RIMS1: variants seen among roughly 807,000 people sequenced by gnomAD.
The protein encoded by RIMS1 is regulating synaptic membrane exocytosis 1.
In RIMS1, 83 loss-of-function variants were observed where a neutral mutation model predicts 214.1. The observed-to-expected ratio is 0.39, with a 90% CI of 0.32 to 0.47. The LOEUF is 0.47. RIMS1 is among the 20% of genes least tolerant of loss of function. RIMS1 has a pLI of 0.99. For synonymous variants in RIMS1, 793 were observed against 786.8 expected, an observed-to-expected ratio of 1.01 and a Z score of -0.13; for missense variants, 2,050 against 2,161.8, an observed-to-expected ratio of 0.95 and a Z score of 1.03.
At chr6:72,318,575 A>T (rs1189285779) in intron 28 of RIMS1, among the ~76,000 whole-genome samples, 1 of 152,074 alleles carries the variant, frequency 6.6e-6, no homozygotes, top group Non-Finnish European at 1.5e-5. Flanking sequence ...AATGCCTTAT[A>T]TTAAACCATA....
At chr6:72,212,424 T>C (rs978946489) in intron 6 of RIMS1, among the ~76,000 whole-genome samples, 3 of 152,036 alleles carry the variant, frequency 2.0e-5, no homozygotes, top group Admixed American at 2.0e-4. Flanking sequence ...AAGAGGTAAG[T>C]ACTATTTAAA....
chr6:72,164,888 T>A (rs2046038162), intron 4 of RIMS1, among the ~76,000 whole-genome samples: 1 of 152,130 alleles, frequency 6.6e-6, no homozygotes, highest in Non-Finnish European at 1.5e-5. Context: ...ATCATTGAGG[T>A]TTCACACTTA....
At chr6:72,318,727 T>C (rs1384584163) in intron 28 of RIMS1, among the ~76,000 whole-genome samples, 1 of 152,162 alleles carries the variant, frequency 6.6e-6, no homozygotes, top group Non-Finnish European at 1.5e-5. Flanking sequence ...TTTTTCCTTG[T>C]TGTTCTTTAA....
At chr6:72,390,822 G>A (rs1169145215) in intron 30 of RIMS1, 86 bp downstream of exon 30, 4 of 1,464,744 alleles carry the variant, frequency 2.7e-6, no homozygotes, top group East Asian at 4.6e-5. Context: ...GAGTGTTACT[G>A]TGCAGCTTCT....
chr6:72,311,235 A>G (rs1460557078), intron 27 of RIMS1, among the ~76,000 whole-genome samples: 3 of 152,182 alleles, frequency 2.0e-5, no homozygotes, highest in African/African-American at 2.4e-5. Context: ...ATTACATAGC[A>G]TCTCTCTTTT....
chr6:72,041,749 G>A (rs981484462), intron 2 of RIMS1, among the ~76,000 whole-genome samples: 2 of 151,824 alleles, frequency 1.3e-5, no homozygotes, highest in African/African-American at 4.8e-5. Context: ...ATTTATTACT[G>A]AGCACATGCT....
At chr6:71,949,205 C>T (rs1788719759) in intron 1 of RIMS1, among the ~76,000 whole-genome samples, 1 of 152,172 alleles carries the variant, frequency 6.6e-6, no homozygotes, top group South Asian at 2.1e-4. Context: ...ATGAACATAA[C>T]TTGCAACTCT....
intron 4 of RIMS1, among the ~76,000 whole-genome samples, chr6:72,170,310 A>G (rs1228020901): frequency 6.6e-6 from 1 of 152,172 alleles, no homozygotes; most frequent in Non-Finnish European, 1.5e-5. Flanking sequence ...ATCACCATCT[A>G]TAATACCACT....
At chr6:72,234,211 C>T (rs1353234588) in intron 7 of RIMS1, among the ~76,000 whole-genome samples, 1 of 151,742 alleles carries the variant, frequency 6.6e-6, no homozygotes, top group Non-Finnish European at 1.5e-5. Flanking sequence ...CTTTAAGAAA[C>T]TTTTAGTATA....
chr6:71,977,424 C>T (rs1175798876), intron 2 of RIMS1, among the ~76,000 whole-genome samples: 3 of 152,132 alleles, frequency 2.0e-5, no homozygotes, highest in Non-Finnish European at 2.9e-5. Context: ...GTACTGTGTG[C>T]ATAACATATT....
chr6:72,010,074 A>G (rs186499564), intron 2 of RIMS1, among the ~76,000 whole-genome samples: 2 of 152,214 alleles, frequency 1.3e-5, no homozygotes, highest in African/African-American at 4.8e-5. Flanking sequence ...CGATGCAAAA[A>G]TCCTCAATAA....
chr6:72,197,572 C>T (rs2051194270), intron 6 of RIMS1, among the ~76,000 whole-genome samples: 1 of 151,984 alleles, frequency 6.6e-6, no homozygotes, highest in South Asian at 2.1e-4. Flanking sequence ...AAAGAGAAAG[C>T]TCTGGGTACC....
chr6:72,312,464 G>T (rs2095558027), intron 27 of RIMS1, among the ~76,000 whole-genome samples: 1 of 151,790 alleles, frequency 6.6e-6, no homozygotes, highest in Non-Finnish European at 1.5e-5. Context: ...TCACTGTGTG[G>T]TTCATCACAA....
At chr6:72,205,327 A>G (rs924851080) in intron 6 of RIMS1, among the ~76,000 whole-genome samples, 8 of 152,192 alleles carry the variant, frequency 5.3e-5, no homozygotes, top group Non-Finnish European at 1.0e-4. Context: ...AAAACAGGTT[A>G]GGAAGCTCAG....
At chr6:72,311,425 G>A (rs1163719222) in intron 27 of RIMS1, among the ~76,000 whole-genome samples, 4 of 152,154 alleles carry the variant, frequency 2.6e-5, no homozygotes, top group Non-Finnish European at 5.9e-5. Context: ...AAATATAACT[G>A]AATTTGCTGG....
At chr6:72,268,131 G>A (rs920947141) in intron 22 of RIMS1, among the ~76,000 whole-genome samples, 8 of 152,224 alleles carry the variant, frequency 5.3e-5, no homozygotes, top group Non-Finnish European at 8.8e-5. Flanking sequence ...GATGCTTATT[G>A]GTTTGGAGGA....
intron 2 of RIMS1, among the ~76,000 whole-genome samples, chr6:72,047,773 G>A (rs187635240): frequency 1.1e-3 from 160 of 152,224 alleles, no homozygotes; most frequent in African/African-American, 3.6e-3. Flanking sequence ...TTTTAATATC[G>A]TCTTCCCAAT....
intron 28 of RIMS1, among the ~76,000 whole-genome samples, chr6:72,327,061 C>A (rs1163101710): frequency 2.6e-5 from 4 of 151,652 alleles, no homozygotes; most frequent in Admixed American, 2.6e-4. Flanking sequence ...CCAGATGAAA[C>A]ATAGCCCAGC....
intron 29 of RIMS1, among the ~76,000 whole-genome samples, chr6:72,338,758 T>C (rs1415413895): frequency 6.6e-6 from 1 of 151,628 alleles, no homozygotes; most frequent in Non-Finnish European, 1.5e-5. Context: ...TTAGAGGGAT[T>C]GGGTAATTTG....
Sources: allele counts gnomAD v4.1 joint callset (sites outside exome capture counted in the v4.1 genomes callset), GRCh38; gene constraint gnomAD v4.1.1; transcripts MANE v1.5; gene names NCBI Gene and HGNC (gene_info 2026-07-23, HGNC 2026-07-21).